Variants in ANTXR1 observed in about 807,000 individuals in gnomAD.
ANTXR1 encodes ANTXR cell adhesion molecule 1, also known as anthrax toxin receptor 1.
In ANTXR1, 19 loss-of-function variants were observed where a neutral mutation model predicts 78.1. The ratio of observed to expected loss-of-function variants is 0.24; its 90% CI spans 0.17 to 0.36. The LOEUF is 0.36. Among genes scored for constraint, ANTXR1 ranks in the 10% least tolerant of loss-of-function variants. ANTXR1 has a pLI of 1.00. For synonymous variants in ANTXR1, 273 were observed against 260.5 expected (o/e 1.05, Z -0.46); for missense variants, 518 against 718.6 (o/e 0.72, Z 3.19).
chr2:69,031,409 A>G (rs186437351), intron 1 of ANTXR1, among the ~76,000 whole-genome samples: 29 of 152,308 alleles, frequency 1.9e-4, no homozygotes, highest in East Asian at 1.9e-4. Context: ...TGAACCATAA[A>G]TGTGAAAAAA....
chr2:69,166,050 C>T (rs186968453), intron 13 of ANTXR1, among the ~76,000 whole-genome samples: 14 of 152,290 alleles, frequency 9.2e-5, no homozygotes, highest in African/African-American at 2.9e-4. Context: ...CCTGAGAACA[C>T]GCAATCTTTC....
At position 69,075,497 on chromosome 2, in the gene ANTXR1, A is replaced by G. The variant is rs2104225994; in HGVS notation, c.493-93A>G. 4.9e-6 allele frequency: 6 copies of G among 1,229,784 alleles called. 1 individual carries two copies. Among genetic ancestry groups the G allele is most frequent in the South Asian group, 3.6e-5 (3 of 83,390 alleles). The allele number at this position is 1,229,784 out of a possible 1,614,324, so 76.2% of individuals were successfully genotyped here. On this transcript the variant is annotated intron_variant, in intron 6 of 17. Transcript: ENST00000303714. The stretch of plus-strand genomic sequence containing the variant: ...ACCAGGCACATGGTAGGTGCTCATT[A>G]AATACCTCATCATTGAAGTTAGTCA...
At chr2:69,141,837 C>T (rs920520902) in intron 12 of ANTXR1, among the ~76,000 whole-genome samples, 1 of 152,180 alleles carries the variant, frequency 6.6e-6, no homozygotes, top group Non-Finnish European at 1.5e-5. Context: ...CTGGTCCCAG[C>T]AGCATCTGCC....
chr2:69,096,189 C>G (rs1309569149), intron 9 of ANTXR1, among the ~76,000 whole-genome samples: 4 of 151,158 alleles, frequency 2.6e-5, no homozygotes, highest in African/African-American at 9.8e-5. Context: ...ACCCGGGAGG[C>G]AGAGCTTGCA....
intron 10 of ANTXR1, among the ~76,000 whole-genome samples, chr2:69,116,652 C>G (rs11681799): frequency 0.07 from 10,674 of 152,266 alleles, 417 homozygotes; most frequent in Middle Eastern, 0.092. Context: ...GTTTTTCCCA[C>G]TACCTAATGT....
rs187469129 is a variant in ANTXR1, at chr2:69,027,275, C to T, written c.153-12769C>T. ...ATCCTGTCCAGCGCTGCTGAGTCCT[C>T]CCGCCAGATCGCGCGCCTCCAGGGA... On this transcript the variant is annotated intron_variant, in intron 1 of 17. Transcript: ENST00000303714. Among the ~76,000 whole-genome samples, 248 of 152,284 alleles carry T rather than the reference C, an allele frequency of 1.6e-3. 1 individual carries two copies. In the South Asian group the frequency reaches 0.026, roughly 16 times the overall value.
chr2:69,033,766 T>C (rs1416389126), intron 1 of ANTXR1, among the ~76,000 whole-genome samples: 6 of 152,226 alleles, frequency 3.9e-5, no homozygotes, highest in Non-Finnish European at 8.8e-5. Flanking sequence ...AAAGACTCCT[T>C]GGTGATGGTT....
chr2:69,108,103 G>A (rs1374002866), intron 10 of ANTXR1, among the ~76,000 whole-genome samples: 1 of 152,182 alleles, frequency 6.6e-6, no homozygotes, highest in Non-Finnish European at 1.5e-5. Flanking sequence ...TTGAAATGTG[G>A]CTAGTGCAAT....
At chr2:69,028,831 T>C (rs773098236) in intron 1 of ANTXR1, among the ~76,000 whole-genome samples, 7 of 152,160 alleles carry the variant, frequency 4.6e-5, no homozygotes, top group Non-Finnish European at 8.8e-5. Context: ...GACCACCACA[T>C]TGAATATTGC....
At chr2:69,027,968 A>G (rs958018820) in intron 1 of ANTXR1, among the ~76,000 whole-genome samples, 1 of 152,202 alleles carries the variant, frequency 6.6e-6, no homozygotes, top group African/African-American at 2.4e-5. Flanking sequence ...TAAAGTCACC[A>G]AAGAAGCAGT....
Position 69,040,096 on chromosome 2 carries a change from T to A in ANTXR1, c.205T>A (p.Leu69Met). Reference sequence around the variant, plus strand: ...TGAAATCTATTACTTTGTGGAACAGTTGGCTCACAAATTCATCAGGTGAGA... The same window carrying A: ...TGAAATCTATTACTTTGTGGAACAGATGGCTCACAAATTCATCAGGTGAGA... ...WNEIYYFVEQLAHKFISPQLR... is the reference protein window; with the variant it reads ...WNEIYYFVEQMAHKFISPQLR... Residue 69 changes from leucine to methionine, a missense_variant, in exon 2 of 18, where the codon TTG becomes ATG. Around this residue, in one of 5 missense-constraint regions of ANTXR1, gnomAD observed 264 missense variants for 391.8 expected, o/e 0.67. Coordinates refer to ENST00000303714, the MANE Select transcript of ANTXR1 (RefSeq NM_032208.3). 1.2e-6 allele frequency: 2 copies of A among 1,613,416 alleles called. No homozygotes were observed. The highest frequency in any genetic ancestry group is 1.7e-6 in the Non-Finnish European group (2 of 1,179,508).
intron 13 of ANTXR1, among the ~76,000 whole-genome samples, chr2:69,164,199 G>T (rs980238117): frequency 6.6e-6 from 1 of 152,166 alleles, no homozygotes; most frequent in Non-Finnish European, 1.5e-5. Flanking sequence ...GGTATAGGTG[G>T]TATCTAATAA....
At chr2:69,146,517 C>A (rs1362288060) in intron 12 of ANTXR1, 2 of 461,908 alleles carry the variant, frequency 4.3e-6, no homozygotes, top group Non-Finnish European at 5.7e-6. Flanking sequence ...GAACTACATG[C>A]AGGGGCTACC....
chr2:69,242,599 T>G (rs955164210), intron 17 of ANTXR1, among the ~76,000 whole-genome samples: 2 of 152,220 alleles, frequency 1.3e-5, no homozygotes, highest in Non-Finnish European at 1.5e-5. Context: ...AGATGAGCAC[T>G]CAACCCCAGG....
chr2:69,124,656 CT>C lies in ANTXR1; in HGVS notation c.951+16del. 1.2e-6 allele frequency: 2 copies of C among 1,612,972 alleles called. No individual in the cohort carries two copies. The highest frequency in any genetic ancestry group is 1.7e-6 in the Non-Finnish European group (2 of 1,178,924). On this transcript the variant is annotated intron_variant, in intron 12 of 17. Coordinates refer to ENST00000303714, the MANE Select transcript of ANTXR1 (RefSeq NM_032208.3). The stretch of plus-strand genomic sequence containing the variant: ...CACCACACACTGTGTAAGTCATAAC[CT>C]TTCCCTTTACTAAAGATCTCATTAT...
At chr2:69,197,115 G>A (rs1573970295) in intron 17 of ANTXR1, among the ~76,000 whole-genome samples, 1 of 152,324 alleles carries the variant, frequency 6.6e-6, no homozygotes, top group South Asian at 2.1e-4. Flanking sequence ...TTTGCCTGCG[G>A]TGGGCTCATG....
At chr2:69,130,827 A>G (rs1229940369) in intron 12 of ANTXR1, among the ~76,000 whole-genome samples, 1 of 152,194 alleles carries the variant, frequency 6.6e-6, no homozygotes, top group Non-Finnish European at 1.5e-5. Flanking sequence ...CTCTACGATA[A>G]GACTGTATTT....
intron 13 of ANTXR1, among the ~76,000 whole-genome samples, chr2:69,169,732 T>C (rs955511799): frequency 1.3e-5 from 2 of 152,232 alleles, no homozygotes; most frequent in Admixed American, 6.5e-5. Flanking sequence ...TCGGTCTGCC[T>C]GGGCAGCACA....
chr2:69,198,420 G>A (rs1254593101), intron 17 of ANTXR1, among the ~76,000 whole-genome samples: 2 of 151,974 alleles, frequency 1.3e-5, no homozygotes, highest in Non-Finnish European at 2.9e-5. Context: ...TTTAGTGTTG[G>A]TTTCCTGTGA....
Sources: allele counts gnomAD v4.1 joint callset (sites outside exome capture counted in the v4.1 genomes callset), GRCh38; gene constraint gnomAD v4.1.1; regional missense constraint gnomAD v4.1.1; transcripts MANE v1.5; gene names NCBI Gene and HGNC (gene_info 2026-07-23, HGNC 2026-07-21).